Variants in DCC observed in about 807,000 individuals in gnomAD.
DCC encodes the protein netrin receptor DCC.
In DCC, 58 loss-of-function variants were observed where a neutral mutation model predicts 172.5. The observed-to-expected ratio is 0.34, with a 90% CI of 0.27 to 0.42. The LOEUF (loss-of-function observed/expected upper bound fraction) is 0.42. Ranked by LOEUF, DCC falls within the 10% of genes least tolerant of loss-of-function variation. The pLI is 1.00. For missense variants in DCC, 1,740 were observed against 1,791.0 expected, an observed-to-expected ratio of 0.97 and a Z score of 0.51; for synonymous variants, 709 against 644.5, an observed-to-expected ratio of 1.10 and a Z score of -1.52.
At chr18:53,264,904 A>G (rs1171194723) in intron 12 of DCC, among the ~76,000 whole-genome samples, 1 of 152,142 alleles carries the variant, frequency 6.6e-6, no homozygotes, top group Non-Finnish European at 1.5e-5. Flanking sequence ...AACACTGTGT[A>G]ATATTTGAAG....
chr18:52,692,990 C>T (rs1281980038), intron 1 of DCC, among the ~76,000 whole-genome samples: 3 of 152,088 alleles, frequency 2.0e-5, no homozygotes, highest in Non-Finnish European at 2.9e-5. Context: ...GTTTGCCACT[C>T]CTATAGGCTG....
intron 2 of DCC, among the ~76,000 whole-genome samples, chr18:52,846,608 A>AACACACACACAC (rs71175524): frequency 0.012 from 1,606 of 130,534 alleles, 26 homozygotes; most frequent in Admixed American, 0.022. Flanking sequence ...TGCCACTCCA[A>AACACACACACAC]ACACACACAC....
chr18:52,401,564 G>A (rs376893439), intron 1 of DCC, among the ~76,000 whole-genome samples: 5 of 152,132 alleles, frequency 3.3e-5, no homozygotes, highest in Middle Eastern at 3.4e-3. Context: ...TACATGTAGA[G>A]CAAAGGAACA....
chr18:53,459,447 C>T lies in DCC; in HGVS notation c.3608C>T (p.Thr1203Ile), dbSNP rs760231027. The change falls in exon 24 of 29, where the codon ACC becomes ATC. Residue 1203 changes from threonine (T) to isoleucine (I), a missense_variant. By Grantham distance (89) the Thr-to-Ile change is moderately conservative. This residue lies in a region of DCC where 1,732 missense variants were observed against 1,767.4 expected (regional missense o/e 0.98). Transcript: ENST00000442544. ...GAAACCCAACTGGGAAGCAAAAGCA[C>T]CTCTCATTCAGGTAATTATCTTTTC... is the stretch of plus-strand genomic sequence containing the variant. ...QSETQLGSKS[T>I]SHSGQDTEEA... 6.8e-6 allele frequency: 11 copies of T among 1,606,932 alleles called. No homozygotes were observed. Among genetic ancestry groups the T allele is most frequent in the African/African-American group, 1.3e-5 (1 of 74,740 alleles).
intron 5 of DCC, among the ~76,000 whole-genome samples, chr18:53,002,156 A>G (rs912174756): frequency 6.6e-6 from 1 of 152,206 alleles, no homozygotes; most frequent in Admixed American, 6.5e-5. Context: ...GCACGTCTTA[A>G]CACTATGTTT....
chr18:53,417,102 T>C (rs1348608836), intron 21 of DCC, among the ~76,000 whole-genome samples: 1 of 152,198 alleles, frequency 6.6e-6, no homozygotes, highest in Non-Finnish European at 1.5e-5. Flanking sequence ...CTTGCAAACG[T>C]GTCTCATAAG....
intron 5 of DCC, among the ~76,000 whole-genome samples, chr18:52,960,059 T>C (rs527744088): frequency 3.7e-4 from 57 of 152,230 alleles, no homozygotes; most frequent in Middle Eastern, 6.8e-3. Context: ...ACATGGACTT[T>C]AAGTAGGCTT....
At chr18:52,709,090 T>C (rs2036255363) in intron 1 of DCC, among the ~76,000 whole-genome samples, 1 of 152,204 alleles carries the variant, frequency 6.6e-6, no homozygotes, top group African/African-American at 2.4e-5. Flanking sequence ...TGCAAGGTAC[T>C]TTGCTGTTGT....
intron 2 of DCC, among the ~76,000 whole-genome samples, chr18:52,898,639 C>T (rs754406024): frequency 6.6e-6 from 1 of 151,658 alleles, no homozygotes; most frequent in Non-Finnish European, 1.5e-5. Flanking sequence ...GAGCCTAACA[C>T]TTTTGATGTC....
chr18:52,532,033 T>C (rs1272434191), intron 1 of DCC, among the ~76,000 whole-genome samples: 1 of 152,144 alleles, frequency 6.6e-6, no homozygotes, highest in Non-Finnish European at 1.5e-5. Context: ...AGGTAGAGAT[T>C]TCATGCAATT....
chr18:52,744,083 C>T (rs1393542398), intron 1 of DCC, among the ~76,000 whole-genome samples: 1 of 152,094 alleles, frequency 6.6e-6, no homozygotes, highest in Non-Finnish European at 1.5e-5. Flanking sequence ...ATAGGTTTCT[C>T]AGATAAAATA....
At chr18:52,801,678 G>A (rs978960219) in intron 2 of DCC, among the ~76,000 whole-genome samples, 5 of 152,146 alleles carry the variant, frequency 3.3e-5, no homozygotes, top group African/African-American at 4.8e-5. Context: ...TATAAGCCAC[G>A]TTCAAATTTG....
In DCC at chr18:53,347,617, A is replaced by G. The variant is rs141081457; in HGVS notation, c.2359+7710A>G. Reference sequence around the variant, plus strand: ...GGAACTAAAAATGACTCTGAAATATATAACTTAGTTGCTATATTAGTCTGT... The same window carrying G: ...GGAACTAAAAATGACTCTGAAATATGTAACTTAGTTGCTATATTAGTCTGT... On this transcript the variant is annotated intron_variant, in intron 15 of 28. Coordinates refer to ENST00000442544, the MANE Select transcript of DCC (RefSeq NM_005215.4). 4.6e-5 allele frequency among the ~76,000 whole-genome samples: 7 copies of G among 152,328 alleles called. No homozygotes were observed. The East Asian group carries it at 1.2e-3, about 25-fold the overall frequency.
intron 27 of DCC, among the ~76,000 whole-genome samples, chr18:53,511,019 G>A (rs1292650520): frequency 6.6e-6 from 1 of 152,166 alleles, no homozygotes; most frequent in Admixed American, 6.5e-5. Context: ...CTTTGAACAA[G>A]TCCTTTATCT....
chr18:52,497,368 T>C (rs1376289917), intron 1 of DCC, among the ~76,000 whole-genome samples: 26 of 113,702 alleles, frequency 2.3e-4, no homozygotes. Flanking sequence ...CACATATACA[T>C]ATGTGTATAT....
At chr18:52,731,496 C>T (rs1014697537) in intron 1 of DCC, among the ~76,000 whole-genome samples, 5 of 152,230 alleles carry the variant, frequency 3.3e-5, no homozygotes, top group African/African-American at 1.2e-4. Flanking sequence ...TTCAGCATGT[C>T]TCCCTCTATA....
At chr18:52,553,227 TAC>T (rs931353067) in intron 1 of DCC, among the ~76,000 whole-genome samples, 4 of 150,368 alleles carry the variant, frequency 2.7e-5, no homozygotes, top group Non-Finnish European at 5.9e-5. Flanking sequence ...TATATACATA[TAC>T]ACACACACAC....
intron 12 of DCC, among the ~76,000 whole-genome samples, chr18:53,229,061 G>A (rs967252749): frequency 6.6e-6 from 1 of 152,054 alleles, no homozygotes; most frequent in Non-Finnish European, 1.5e-5. Flanking sequence ...GATTCAGTAG[G>A]TCTTTAAGCC....
intron 2 of DCC, chr18:52,892,326 C>T (rs1410587057): frequency 6.6e-6 from 1 of 152,092 alleles, no homozygotes; most frequent in Non-Finnish European, 1.5e-5. Flanking sequence ...CACATACCTG[C>T]AGCCAGATAG....
Sources: gnomAD v4.1 joint callset for allele counts (sites outside exome capture counted in the v4.1 genomes callset) on GRCh38, gnomAD v4.1.1 for gene constraint, gnomAD v4.1.1 regional missense constraint, MANE v1.5 for transcripts, NCBI Gene and HGNC (gene_info 2026-07-23, HGNC 2026-07-21) for gene names.